Variants in TRABD2B observed in about 807,000 individuals in gnomAD.
The protein encoded by TRABD2B is metalloprotease TIKI2.
In TRABD2B, 14 loss-of-function variants were observed where a neutral mutation model predicts 40.1. The observed-to-expected ratio is 0.35, with a 90% confidence interval of 0.23 to 0.55. TRABD2B has a LOEUF of 0.55. Among genes scored for constraint, TRABD2B ranks in the 20% least tolerant of loss-of-function variants. The pLI, the probability that TRABD2B is intolerant of heterozygous loss-of-function variation, is 0.90. For synonymous variants in TRABD2B, 263 were observed against 277.0 expected, an observed-to-expected ratio of 0.95 and a Z score of 0.50; for missense variants, 541 against 648.6, an observed-to-expected ratio of 0.83 and a Z score of 1.80.
intron 2 of TRABD2B, among the ~76,000 whole-genome samples, chr1:47,921,626 C>G (rs888355255): frequency 2.6e-5 from 4 of 152,188 alleles, no homozygotes; most frequent in African/African-American, 9.7e-5. Flanking sequence ...TTCTGAGAAT[C>G]TGATAATGCA....
intron 2 of TRABD2B, among the ~76,000 whole-genome samples, chr1:47,872,457 A>G (rs1557627262): frequency 6.6e-6 from 1 of 152,192 alleles, no homozygotes; most frequent in Non-Finnish European, 1.5e-5. Context: ...AGGCCCCACA[A>G]GGAACAGGGG....
intron 2 of TRABD2B, among the ~76,000 whole-genome samples, chr1:47,975,545 A>T (rs951288349): frequency 5.9e-5 from 9 of 152,196 alleles, no homozygotes; most frequent in African/African-American, 1.9e-4. Flanking sequence ...CAGTGGTTCT[A>T]AGTGAGGAAA....
chr1:47,784,177 C>T (rs960480045), intron 4 of TRABD2B, among the ~76,000 whole-genome samples: 2 of 152,218 alleles, frequency 1.3e-5, no homozygotes, highest in African/African-American at 4.8e-5. Flanking sequence ...CAAGGTCACA[C>T]ACCTGGTAAA....
chr1:47,931,799 GC>G (rs1474103384), intron 2 of TRABD2B, among the ~76,000 whole-genome samples: 1 of 152,160 alleles, frequency 6.6e-6, no homozygotes. Flanking sequence ...TGGATCAAGA[GC>G]ACAATAAAAG....
chr1:47,854,778 T>G (rs1459378312), intron 2 of TRABD2B, among the ~76,000 whole-genome samples: 1 of 152,206 alleles, frequency 6.6e-6, no homozygotes, highest in Admixed American at 6.5e-5. Flanking sequence ...CTGAGCTTGT[T>G]TGCATTTTGT....
chr1:47,879,350 T>G (rs1217815943), intron 2 of TRABD2B, among the ~76,000 whole-genome samples: 2 of 152,234 alleles, frequency 1.3e-5, no homozygotes, highest in Non-Finnish European at 2.9e-5. Flanking sequence ...TTTACTTTTT[T>G]ATGTTTAGAT....
At chr1:47,816,126 C>G (rs1171847081) in intron 2 of TRABD2B, among the ~76,000 whole-genome samples, 1 of 152,144 alleles carries the variant, frequency 6.6e-6, no homozygotes. Flanking sequence ...CAGCCTCACC[C>G]CCTTCCCCTC....
At chr1:47,894,693 T>A (rs887726729) in intron 2 of TRABD2B, among the ~76,000 whole-genome samples, 7 of 152,144 alleles carry the variant, frequency 4.6e-5, no homozygotes, top group African/African-American at 1.4e-4. Flanking sequence ...ACCAGCAGTA[T>A]GTGTGAGTGC....
At chr1:47,789,403 T>G (rs1448671556) in intron 4 of TRABD2B, among the ~76,000 whole-genome samples, 6 of 152,142 alleles carry the variant, frequency 3.9e-5, no homozygotes, top group Non-Finnish European at 8.8e-5. Context: ...CCAGCAGACA[T>G]CACAAATCAA....
In TRABD2B at chr1:47,814,806, C is replaced by G. The variant is rs547194679; in HGVS notation, c.667-13187G>C. 2.6e-5 allele frequency among the ~76,000 whole-genome samples: 4 copies of G among 152,332 alleles called. No individual in the cohort carries two copies. In the South Asian group the frequency reaches 8.3e-4, roughly 32 times the overall value. ...TCCCAGGGTGCATCAAAGGAGACAGCTGCGCAGAACTTGGCCTCACAGACA... is the reference window on the plus strand; with the variant it reads ...TCCCAGGGTGCATCAAAGGAGACAGGTGCGCAGAACTTGGCCTCACAGACA... On this transcript the variant is annotated intron_variant, in intron 2 of 6. Coordinates refer to ENST00000606738, the MANE Select transcript of TRABD2B (RefSeq NM_001194986.2).
At chr1:47,769,972 G>A (rs980842241) in intron 6 of TRABD2B, among the ~76,000 whole-genome samples, 9 of 62,942 alleles carry the variant, frequency 1.4e-4, no homozygotes, top group Non-Finnish European at 2.9e-4. Context: ...AAGCAAGGCT[G>A]TGTGTGTCTG....
At chr1:47,907,845 G>A (rs1040861129) in intron 2 of TRABD2B, among the ~76,000 whole-genome samples, 2 of 152,274 alleles carry the variant, frequency 1.3e-5, no homozygotes, top group South Asian at 2.1e-4. Flanking sequence ...TAGCAATAAT[G>A]TTAACTGCAG....
intron 2 of TRABD2B, among the ~76,000 whole-genome samples, chr1:47,807,628 GT>G (rs1374292320): frequency 1.3e-5 from 2 of 151,000 alleles, no homozygotes; most frequent in African/African-American, 4.9e-5. Context: ...TCATATTTGT[GT>G]GTGTGTGTGT....
At chr1:47,958,045 G>A (rs1645451064) in intron 2 of TRABD2B, among the ~76,000 whole-genome samples, 1 of 152,084 alleles carries the variant, frequency 6.6e-6, no homozygotes, top group South Asian at 2.1e-4. Flanking sequence ...ATAGAGTAGG[G>A]GTCAATATTC....
At chr1:47,901,945 G>A (rs995133662) in intron 2 of TRABD2B, among the ~76,000 whole-genome samples, 10 of 152,126 alleles carry the variant, frequency 6.6e-5, no homozygotes, top group Non-Finnish European at 2.9e-5. Context: ...GGGGCAAGGA[G>A]CCACAGGGTG....
intron 2 of TRABD2B, among the ~76,000 whole-genome samples, chr1:47,977,964 T>C (rs552323974): frequency 6.6e-6 from 1 of 152,144 alleles, no homozygotes; most frequent in South Asian, 2.1e-4. Flanking sequence ...AGGGTGGGAA[T>C]GGCCACCCCA....
At chr1:47,800,048 A>T (rs1238322630) in intron 3 of TRABD2B, among the ~76,000 whole-genome samples, 1 of 152,028 alleles carries the variant, frequency 6.6e-6, no homozygotes, top group Non-Finnish European at 1.5e-5. Flanking sequence ...TCATTCATTC[A>T]GCAAATGTTT....
intron 2 of TRABD2B, among the ~76,000 whole-genome samples, chr1:47,915,804 G>C (rs1435178771): frequency 6.6e-6 from 1 of 152,194 alleles, no homozygotes; most frequent in Non-Finnish European, 1.5e-5. Context: ...GCTGCTCCCT[G>C]TGCCGGACCC....
chr1:47,821,815 C>G (rs559010991), intron 2 of TRABD2B, among the ~76,000 whole-genome samples: 2 of 152,178 alleles, frequency 1.3e-5, no homozygotes, highest in African/African-American at 4.8e-5. Context: ...ACCCTGGTCA[C>G]CCTCTTTGTA....
Sources: allele counts gnomAD v4.1 joint callset (sites outside exome capture counted in the v4.1 genomes callset), GRCh38; gene constraint gnomAD v4.1.1; transcripts MANE v1.5; gene names NCBI Gene and HGNC (gene_info 2026-07-23, HGNC 2026-07-21).